UNC79: variants seen among roughly 807,000 people sequenced by gnomAD.
UNC79 encodes the protein protein unc-79 homolog.
In UNC79, 37 loss-of-function variants were observed where a neutral mutation model predicts 283.1. That is an observed-to-expected ratio of 0.13 (90% confidence interval 0.10 to 0.17). UNC79 has a LOEUF of 0.17. Ranked by LOEUF, UNC79 falls within the 10% of genes least tolerant of loss-of-function variation. UNC79 has a pLI of 1.00. For missense variants in UNC79, 2,272 were observed against 3,211.1 expected, an observed-to-expected ratio of 0.71 and a Z score of 7.07; for synonymous variants, 1,107 against 1,200.2, an observed-to-expected ratio of 0.92 and a Z score of 1.61.
exon 2 of UNC79, chr14:93,467,783 C>T: frequency 6.7e-7 from 1 of 1,503,696 alleles, no homozygotes; most frequent in Non-Finnish European, 8.8e-7. Flanking sequence ...TTTCTCAGAC[C>T]TTGTTAAGGT....
intron 16 of UNC79, among the ~76,000 whole-genome samples, chr14:93,573,617 G>A (rs562421359): frequency 1.3e-5 from 2 of 152,316 alleles, no homozygotes; most frequent in Admixed American, 6.5e-5. Context: ...GCAAGGATAG[G>A]ATCCCATAAG....
chr14:93,557,320 T>C (rs2062231909), intron 14 of UNC79, among the ~76,000 whole-genome samples: 1 of 152,176 alleles, frequency 6.6e-6, no homozygotes, highest in South Asian at 2.1e-4. Context: ...GCCGGTATCT[T>C]AGGCTGTTTC....
chr14:93,565,008 G>A (rs2062792629), intron 14 of UNC79, among the ~76,000 whole-genome samples: 4 of 152,228 alleles, frequency 2.6e-5, no homozygotes, highest in East Asian at 1.9e-4. Context: ...GCGTGCCTAC[G>A]GGTCCAAACC....
intron 14 of UNC79, among the ~76,000 whole-genome samples, chr14:93,555,476 T>C (rs1028310336): frequency 5.9e-5 from 9 of 152,312 alleles, no homozygotes; most frequent in African/African-American, 1.9e-4. Flanking sequence ...TGATCTTGGC[T>C]CACTGCAACC....
intron 1 of UNC79, chr14:93,347,364 G>T (rs1281586163): frequency 1.9e-6 from 3 of 1,573,940 alleles, no homozygotes; most frequent in Admixed American, 1.8e-5. Flanking sequence ...CCCACTCGGG[G>T]CCCCCGCGCC....
intron 41 of UNC79, among the ~76,000 whole-genome samples, chr14:93,675,167 C>T (rs2073229193): frequency 1.3e-5 from 2 of 152,176 alleles, no homozygotes; most frequent in Admixed American, 1.3e-4. Flanking sequence ...GTATTTCCCA[C>T]CACAAATATT....
exon 14 of UNC79, chr14:93,542,605 A>G: frequency 6.2e-7 from 1 of 1,614,202 alleles, no homozygotes; most frequent in Non-Finnish European, 8.5e-7. Context: ...CTGAAGCCTC[A>G]GTTTGTCACC....
intron 4 of UNC79, among the ~76,000 whole-genome samples, chr14:93,479,172 T>TTTCC (rs140666949): frequency 0.23 from 27,928 of 120,348 alleles, 3,599 homozygotes; most frequent in East Asian, 0.25. Context: ...GATGAGGCTG[T>TTTCC]TTCCTTCCTT....
At position 93,430,747 on chromosome 14, in the gene UNC79, A is replaced by G. The variant is rs556640979; in HGVS notation, c.-283A>G. The G allele has an allele frequency of 8.3e-6, 3 of 359,764 alleles. No individual in the cohort carries two copies. The highest frequency in any genetic ancestry group is 1.1e-4 in the East Asian group (2 of 18,236). The allele number at this position is 359,764 out of a possible 1,614,324, so 22.3% of individuals were successfully genotyped here. A position where few individuals can be genotyped will look rare whatever the true frequency, so the allele number is the denominator to read the frequency against. ...CTCTCTCCTTTCGGTCTCCCCGCCC[A>G]CATCAACGCGGGCAGCTCCAGGAGG... On this transcript the variant is annotated 5_prime_UTR_variant, in exon 1 of 49. Coordinates refer to ENST00000555664, the Ensembl canonical transcript of UNC79. The surrounding 1 kb of genome is among the most constrained non-coding windows in gnomAD (Gnocchi z 4.6).
intron 35 of UNC79, among the ~76,000 whole-genome samples, chr14:93,649,104 G>T (rs937967405): frequency 6.6e-6 from 1 of 152,188 alleles, no homozygotes; most frequent in East Asian, 1.9e-4. Flanking sequence ...GTAAAAGAGA[G>T]ATACTAATAT....
intron 26 of UNC79, among the ~76,000 whole-genome samples, chr14:93,609,069 C>T (rs1368890046): frequency 1.3e-5 from 2 of 152,166 alleles, no homozygotes; most frequent in East Asian, 3.8e-4. Context: ...TTCCTCCATT[C>T]TTTTTTTCTC....
chr14:93,424,135 A>G (rs184015126), intron 1 of UNC79, among the ~76,000 whole-genome samples: 18 of 152,366 alleles, frequency 1.2e-4, no homozygotes, highest in African/African-American at 4.3e-4. Flanking sequence ...ATTGATCATT[A>G]GATAAATGCA....
intron 47 of UNC79, among the ~76,000 whole-genome samples, chr14:93,701,164 G>A (rs567547047): frequency 6.6e-6 from 1 of 152,308 alleles, no homozygotes; most frequent in African/African-American, 2.4e-5. Flanking sequence ...CTCTCTCTAG[G>A]CAGTGAGCTG....
intron 1 of UNC79, among the ~76,000 whole-genome samples, chr14:93,361,798 T>C (rs752653363): frequency 1.3e-5 from 2 of 152,218 alleles, no homozygotes; most frequent in Non-Finnish European, 1.5e-5. Flanking sequence ...CTTCAAGCTT[T>C]TACACATTCA....
intron 31 of UNC79, among the ~76,000 whole-genome samples, chr14:93,631,251 T>C (rs1397331261): frequency 6.6e-6 from 1 of 152,212 alleles, no homozygotes; most frequent in Non-Finnish European, 1.5e-5. Flanking sequence ...AAGCATTGTC[T>C]ATGGCAGAAT....
rs796823005 is a variant in UNC79 at position 93,344,559 on chromosome 14, A to G, written c.-351+11036A>G. 6.6e-5 allele frequency among the ~76,000 whole-genome samples: 10 copies of G among 151,418 alleles called. 1 individual carries two copies. Among genetic ancestry groups the G allele is most frequent in the African/African-American group, 2.2e-4 (9 of 41,254 alleles). On this transcript the variant is annotated intron_variant, in intron 1 of 49. Transcript: ENST00000256339. Reference sequence around the variant, plus strand: ...GGAAGGGCTTTCTTGCTAGGCAGGGAAAAAAAAACATGGCTCCCAAGTTAC... The same window carrying G: ...GGAAGGGCTTTCTTGCTAGGCAGGGGAAAAAAAACATGGCTCCCAAGTTAC...
intron 1 of UNC79, among the ~76,000 whole-genome samples, chr14:93,358,930 G>GTGTTACTTCA (rs1317015814): frequency 6.6e-6 from 1 of 152,134 alleles, no homozygotes; most frequent in Non-Finnish European, 1.5e-5. Context: ...GAGGTTGAGA[G>GTGTTACTTCA]TGTTACCCAT....
intron 31 of UNC79, among the ~76,000 whole-genome samples, chr14:93,634,021 T>C (rs1250962596): frequency 6.6e-6 from 1 of 152,112 alleles, no homozygotes; most frequent in Non-Finnish European, 1.5e-5. Flanking sequence ...TCAATTTCTC[T>C]CTCTAAAAAT....
chr14:93,424,744 AGGGTT>A (rs2055686370), intron 1 of UNC79, among the ~76,000 whole-genome samples: 1 of 151,850 alleles, frequency 6.6e-6, no homozygotes, highest in South Asian at 2.1e-4. Flanking sequence ...GCAATGGGGG[AGGGTT>A]AATGGGTACA....
Sources: allele counts gnomAD v4.1 joint callset (sites outside exome capture counted in the v4.1 genomes callset), GRCh38; gene constraint gnomAD v4.1.1; non-coding constraint Gnocchi (gnomAD v3.1); transcripts MANE v1.5; gene names NCBI Gene and HGNC (gene_info 2026-07-23, HGNC 2026-07-21).